CHST9: variants seen among roughly 807,000 people sequenced by gnomAD.
CHST9 encodes the protein carbohydrate sulfotransferase 9, also known as GalNAc-4-sulfotransferase 2.
CHST9 carries 41 observed loss-of-function variants against 44.4 expected under a neutral mutation model. The ratio of observed to expected loss-of-function variants is 0.92; its 90% CI spans 0.72 to 1.20. CHST9 has a LOEUF of 1.20. Ranked by LOEUF, CHST9 falls within the 50% of genes most tolerant of loss-of-function variation. The pLI, the probability that CHST9 is intolerant of heterozygous loss-of-function variation, is 0.00. For missense variants in CHST9, 504 were observed against 516.5 expected, an observed-to-expected ratio of 0.98 and a Z score of 0.23; for synonymous variants, 171 against 178.4, an observed-to-expected ratio of 0.96 and a Z score of 0.33.
chr18:27,052,915 C>A (rs1471544829), intron 2 of CHST9, among the ~76,000 whole-genome samples: 2 of 151,542 alleles, frequency 1.3e-5, no homozygotes, highest in East Asian at 1.9e-4. Flanking sequence ...CACACTGGAC[C>A]CTGTTGGGGG....
At position 26,915,751 on chromosome 18, in the gene CHST9, A is replaced by C. The variant is rs1368785332; in HGVS notation, c.*508T>G. The C allele has an allele frequency of 6.6e-6, 1 of 152,590 alleles. No homozygotes were observed. Among genetic ancestry groups the C allele is most frequent in the Non-Finnish European group, 1.5e-5 (1 of 68,366 alleles). 9.5% of individuals were successfully genotyped at this position (152,590 alleles called of 1,614,324 possible). ...AAATCACATAATGCCTTCCAATCTA[A>C]AGTAAAATGCCTAAGTCCAAAATAT... On this transcript the variant is annotated 3_prime_UTR_variant, in exon 6 of 6. Transcript: ENST00000618847.
chr18:26,927,323 G>C (rs1445877640), intron 5 of CHST9, among the ~76,000 whole-genome samples: 4 of 152,078 alleles, frequency 2.6e-5, no homozygotes, highest in African/African-American at 9.7e-5. Flanking sequence ...TTCTCGTCGG[G>C]GGGCGGGGGT....
At chr18:27,064,416 G>A (rs554265297) in intron 2 of CHST9, among the ~76,000 whole-genome samples, 2 of 152,076 alleles carry the variant, frequency 1.3e-5, no homozygotes, top group African/African-American at 4.8e-5. Context: ...TGTTCCGCAC[G>A]CATCAGAGCA....
chr18:27,179,784 A>G (rs1266003020), intron 1 of CHST9, among the ~76,000 whole-genome samples: 5 of 152,222 alleles, frequency 3.3e-5, no homozygotes, highest in South Asian at 4.1e-4. Flanking sequence ...CATGTACTCT[A>G]TCTTCTAACT....
chr18:26,945,953 A>T (rs1225405915), intron 4 of CHST9, among the ~76,000 whole-genome samples: 1 of 152,194 alleles, frequency 6.6e-6, no homozygotes, highest in Non-Finnish European at 1.5e-5. Context: ...TCCATGTCAT[A>T]TGAGATACAG....
intron 3 of CHST9, among the ~76,000 whole-genome samples, chr18:27,038,916 T>C (rs889930900): frequency 2.6e-5 from 4 of 152,158 alleles, no homozygotes; most frequent in African/African-American, 9.6e-5. Context: ...TAAATTAATT[T>C]CCCCTATTGC....
At position 27,050,196 on chromosome 18, in the gene CHST9, G is replaced by T. The variant is rs567292944; in HGVS notation, c.122-1693C>A. On this transcript the variant is annotated intron_variant, in intron 2 of 5. Transcript: ENST00000618847. Reference sequence around the variant, plus strand: ...ACATGGCTTCTTGTTTATCAACTTTGGCAGCCTCCAAATGAGTTGAATAAG... The same window carrying T: ...ACATGGCTTCTTGTTTATCAACTTTTGCAGCCTCCAAATGAGTTGAATAAG... Among the ~76,000 whole-genome samples the T allele has an allele frequency of 1.7e-4, 26 of 152,226 alleles. No homozygotes were observed. In the Middle Eastern group the frequency reaches 0.014, roughly 80 times the overall value.
At chr18:27,131,039 T>C (rs1279595774) in intron 2 of CHST9, among the ~76,000 whole-genome samples, 1 of 152,162 alleles carries the variant, frequency 6.6e-6, no homozygotes, top group African/African-American at 2.4e-5. Context: ...GTACAGAGAC[T>C]TCCAATTTGT....
intron 2 of CHST9, among the ~76,000 whole-genome samples, chr18:27,105,079 C>T (rs1214451162): frequency 1.3e-5 from 2 of 151,886 alleles, no homozygotes; most frequent in Non-Finnish European, 2.9e-5. Context: ...GTCCTTTCTT[C>T]TTTTTCTTTC....
chr18:26,914,920 G>T lies in CHST9; in HGVS notation c.*1339C>A, dbSNP rs906684890. 8 of 397,850 alleles carry T rather than the reference G, an allele frequency of 2.0e-5. No homozygotes were observed. The highest frequency in any genetic ancestry group is 1.3e-4 in the Admixed American group (3 of 22,696). 24.6% of individuals were successfully genotyped at this position (397,850 alleles called of 1,614,324 possible). A position where few individuals can be genotyped will look rare whatever the true frequency, so the allele number is the denominator to read the frequency against. ...GTGATTTTCTTAACTCGGGGTAAAA[G>T]TCGACCAATTAAAGTAGGTTTCCCA... On this transcript the variant is annotated 3_prime_UTR_variant, in exon 6 of 6. Transcript: ENST00000618847.
chr18:27,022,170 A>G (rs760701295), intron 4 of CHST9, among the ~76,000 whole-genome samples: 8 of 152,144 alleles, frequency 5.3e-5, no homozygotes, highest in Non-Finnish European at 7.3e-5. Context: ...TGACCTACCC[A>G]TGTTGCATTG....
Position 26,924,530 on chromosome 18 carries a change from T to C in CHST9, c.241-7180A>G, listed in dbSNP as rs552389970. Reference sequence around the variant, plus strand: ...AAGGCACTGCCCAGGGAGTAATTTATAATATTACTCTTAATAATGTATCTT... The same window carrying C: ...AAGGCACTGCCCAGGGAGTAATTTACAATATTACTCTTAATAATGTATCTT... On this transcript the variant is annotated intron_variant, in intron 5 of 5. Coordinates refer to ENST00000618847, the MANE Select transcript of CHST9 (RefSeq NM_031422.6). 3.7e-5 allele frequency: 26 copies of C among 693,584 alleles called. No individual in the cohort carries two copies. The Admixed American group carries it at 1.5e-3, about 40-fold the overall frequency. 43.0% of individuals were successfully genotyped at this position (693,584 alleles called of 1,614,324 possible).
chr18:26,997,308 T>C (rs1237416571), intron 4 of CHST9, among the ~76,000 whole-genome samples: 2 of 152,236 alleles, frequency 1.3e-5, no homozygotes, highest in East Asian at 3.8e-4. Context: ...TTATTAGTAG[T>C]ATAATCCTGA....
At chr18:27,047,313 T>A (rs1274359936) in intron 3 of CHST9, among the ~76,000 whole-genome samples, 1 of 151,730 alleles carries the variant, frequency 6.6e-6, no homozygotes, top group Non-Finnish European at 1.5e-5. Flanking sequence ...TATTTAGAAA[T>A]AATTTCTCCC....
At chr18:27,036,658 G>T (rs2057393192) in intron 3 of CHST9, among the ~76,000 whole-genome samples, 2 of 152,166 alleles carry the variant, frequency 1.3e-5, no homozygotes, top group South Asian at 2.1e-4. Context: ...ATCTCTAAGT[G>T]CCTGGGACCA....
intron 5 of CHST9, among the ~76,000 whole-genome samples, chr18:26,919,335 T>C (rs1461716392): frequency 1.3e-5 from 2 of 152,200 alleles, no homozygotes; most frequent in East Asian, 3.8e-4. Context: ...CTGCCAGGAT[T>C]ACTTCAAAGC....
At chr18:27,181,268 T>C (rs9947927) in intron 1 of CHST9, among the ~76,000 whole-genome samples, 109,301 of 152,178 alleles carry the variant, frequency 0.72, 39,522 homozygotes, top group East Asian at 0.77. Flanking sequence ...AGATATTTCA[T>C]GCTATGGTAT....
rs201347804 is a variant in CHST9 at position 26,955,220 on chromosome 18, TTC to T, written c.203-10856_203-10855del. Among the ~76,000 whole-genome samples the T allele has an allele frequency of 5.9e-3, 686 of 115,390 alleles. 7 individuals carry two copies. Among genetic ancestry groups the T allele is most frequent in the African/African-American group, 0.025 (646 of 26,310 alleles). The allele number at this position is 115,390 out of a possible 152,430, so 75.7% of individuals were successfully genotyped here. ...CTCAATAACAGGAATTACACCAGAA[TTC>T]TGTTTTTTTTTTTTTTTGTATTTTA... On this transcript the variant is annotated intron_variant, in intron 4 of 5. Transcript: ENST00000618847.
chr18:26,962,340 G>T (rs1180062757), intron 4 of CHST9, among the ~76,000 whole-genome samples: 1 of 149,638 alleles, frequency 6.7e-6, no homozygotes, highest in African/African-American at 2.5e-5. Context: ...GCCCAGGCTG[G>T]GGTGCAGTGG....
Sources: allele counts gnomAD v4.1 joint callset (sites outside exome capture counted in the v4.1 genomes callset), GRCh38; gene constraint gnomAD v4.1.1; transcripts MANE v1.5; gene names NCBI Gene and HGNC (gene_info 2026-07-23, HGNC 2026-07-21).